The following SDF4 variants were observed in gnomAD, a reference collection of about 807,000 sequenced individuals.
SDF4 encodes 45 kDa calcium-binding protein.
SDF4 carries 22 observed loss-of-function variants against 34.2 expected under a neutral mutation model. The observed-to-expected ratio is 0.64, with a 90% CI of 0.46 to 0.92. The LOEUF is 0.92. SDF4 is among the 40% of genes least tolerant of loss of function. The pLI is 0.00. For missense variants in SDF4, 447 were observed against 499.9 expected, an observed-to-expected ratio of 0.89 and a Z score of 1.01; for synonymous variants, 236 against 203.1, an observed-to-expected ratio of 1.16 and a Z score of -1.38.
intron 2 of SDF4, among the ~76,000 whole-genome samples, chr1:1,226,491 T>A (rs1322653414): frequency 6.6e-6 from 1 of 152,050 alleles, no homozygotes; most frequent in Admixed American, 6.6e-5. Flanking sequence ...TGTTACGTCC[T>A]CACAAAAACG....
chr1:1,224,644 G>A (rs1432588347), intron 2 of SDF4, among the ~76,000 whole-genome samples: 1 of 152,170 alleles, frequency 6.6e-6, no homozygotes, highest in Non-Finnish European at 1.5e-5. Flanking sequence ...GGACGCAGTG[G>A]CCACACCTAT....
At chr1:1,220,019 G>C in intron 4 of SDF4, 1 of 985,790 alleles carries the variant, frequency 1.0e-6, no homozygotes, top group Non-Finnish European at 1.2e-6. Flanking sequence ...CTCCACCGCA[G>C]CTCCTGGGAT....
intron 4 of SDF4, chr1:1,219,739 C>T: frequency 1.0e-6 from 1 of 986,144 alleles, no homozygotes; most frequent in Non-Finnish European, 1.2e-6. Context: ...GAAACACCAC[C>T]TCCTGCCCCA....
Position 1,217,827 on chromosome 1 carries a change from C to A in SDF4, c.892-139G>T. The A allele has an allele frequency of 1.3e-6, 2 of 1,543,890 alleles. No homozygotes were observed. Among genetic ancestry groups the A allele is most frequent in the South Asian group, 1.2e-5 (1 of 82,756 alleles). On this transcript the variant is annotated intron_variant, in intron 6 of 6. Coordinates refer to ENST00000360001, the MANE Select transcript of SDF4 (RefSeq NM_016176.6). The surrounding 1 kb of genome is among the most constrained non-coding windows in gnomAD (Gnocchi z 8.5). ...GTTCTGGAAGGTTCCCGAAGGGAGGCGGCACAAATGAAAACACAGGGCAGG... is the reference window on the plus strand; with the variant it reads ...GTTCTGGAAGGTTCCCGAAGGGAGGAGGCACAAATGAAAACACAGGGCAGG...
chr1:1,219,838 G>A lies in SDF4; in HGVS notation c.557-911C>T, dbSNP rs970331202. ...CGTGAGGCCCGACTCTGCCCTGGCC[G>A]AAGCCCCTGCCACAAGCCCGGCAGC... On this transcript the variant is annotated intron_variant, in intron 4 of 6. Transcript: ENST00000360001. 68 of 985,704 alleles carry A rather than the reference G, an allele frequency of 6.9e-5. 1 individual carries two copies. In the African/African-American group the frequency reaches 9.1e-4, roughly 13 times the overall value. The allele number at this position is 985,704 out of a possible 1,614,324, so 61.1% of individuals were successfully genotyped here.
At chr1:1,224,831 C>T (rs890689099) in intron 2 of SDF4, among the ~76,000 whole-genome samples, 6 of 152,148 alleles carry the variant, frequency 3.9e-5, no homozygotes, top group Non-Finnish European at 5.9e-5. Context: ...GGAGGCCTCC[C>T]GAACCTGGAA....
chr1:1,222,768 G>A (rs1240410858), intron 4 of SDF4, among the ~76,000 whole-genome samples: 2 of 152,248 alleles, frequency 1.3e-5, no homozygotes, highest in African/African-American at 4.8e-5. Flanking sequence ...CCTGGGCGGC[G>A]CCTAGGTCAG....
chr1:1,220,979 G>C (rs1483122932), intron 4 of SDF4: 1 of 356,876 alleles, frequency 2.8e-6, no homozygotes, highest in East Asian at 7.5e-5. Flanking sequence ...ATTTGGCCGG[G>C]CACTGGGGCT....
In SDF4 at chr1:1,226,590, C is replaced by G. The variant is rs942916900; in HGVS notation, c.305+1878G>C. On this transcript the variant is annotated intron_variant, in intron 2 of 6. Coordinates refer to ENST00000360001, the MANE Select transcript of SDF4 (RefSeq NM_016176.6). ...TGGGTCCTGGAGGGACGGGGCCCTA[C>G]GCAGGAGAAGGGCGAGAAGGGACCC... Among the ~76,000 whole-genome samples the G allele has an allele frequency of 5.3e-5, 8 of 151,970 alleles. No homozygotes were observed. In the East Asian group the frequency reaches 1.5e-3, roughly 29 times the overall value.
Position 1,223,898 on chromosome 1 carries a change from C to T in SDF4, c.376G>A (p.Glu126Lys), listed in dbSNP as rs1233404720. The T allele has an allele frequency of 2.5e-6, 4 of 1,610,170 alleles. No homozygotes were observed. The highest frequency in any genetic ancestry group is 2.2e-5 in the East Asian group (1 of 44,848). The change falls in exon 3 of 7, where the codon GAG (glutamate) becomes AAG (lysine). Residue 126 changes from glutamate (E) to lysine (K), a missense_variant. By Grantham distance (56) the Glu-to-Lys change is moderately conservative. Coordinates refer to ENST00000360001, the MANE Select transcript of SDF4 (RefSeq NM_016176.6). ...MQRWIMEKTAEHFQEAMEESK... is the reference protein window; with the variant it reads ...MQRWIMEKTAKHFQEAMEESK... ...TCCTCCATGGCCTCCTGGAAGTGCT[C>T]GGCCGTCTTCTCCATGATCCAGCGC... is the stretch of plus-strand genomic sequence containing the variant.
At chr1:1,226,013 C>A (rs12087719) in intron 2 of SDF4, among the ~76,000 whole-genome samples, 1 of 152,188 alleles carries the variant, frequency 6.6e-6, no homozygotes, top group Non-Finnish European at 1.5e-5. Context: ...GTGAACAGGG[C>A]TGGCAGAACA....
intron 4 of SDF4, chr1:1,219,895 C>G: frequency 3.0e-6 from 3 of 985,722 alleles, no homozygotes; most frequent in Non-Finnish European, 3.6e-6. Context: ...GGATGAGGCC[C>G]AGCTGCCGTC....
intron 3 of SDF4, 149 bp downstream of exon 3, chr1:1,223,683 G>A (rs1236897245): frequency 2.6e-6 from 2 of 762,324 alleles, no homozygotes; most frequent in Non-Finnish European, 4.2e-6. Context: ...CAGCTTCCGT[G>A]CACCCCACCA....
Position 1,228,944 on chromosome 1 carries a change from A to C in SDF4, c.-172T>G. 1.6e-6 allele frequency: 1 copy of C among 611,586 alleles called. No individual in the cohort carries two copies. The highest frequency in any genetic ancestry group is 2.8e-5 in the East Asian group (1 of 36,310). 37.9% of individuals were successfully genotyped at this position (611,586 alleles called of 1,614,324 possible). A position where few individuals can be genotyped will look rare whatever the true frequency, so the allele number is the denominator to read the frequency against. On this transcript the variant is annotated splice_region_variant and 5_prime_UTR_variant, in exon 2 of 7. Coordinates refer to ENST00000360001, the MANE Select transcript of SDF4 (RefSeq NM_016176.6). ...CGCAGGATGGGGACAAGCAGCTCAC[A>C]GTCTGCAGAGAGACACAGACACATC...
At chr1:1,220,687 T>C in intron 4 of SDF4, 1 of 1,289,188 alleles carries the variant, frequency 7.8e-7, no homozygotes, top group South Asian at 1.2e-5. Context: ...AGACGGAGGC[T>C]TCACAGAAAT....
At chr1:1,219,209 C>G in intron 4 of SDF4, 2 of 1,256,596 alleles carry the variant, frequency 1.6e-6, no homozygotes, top group Non-Finnish European at 2.0e-6. Flanking sequence ...CTGGACCCCC[C>G]CCTGCCCCAG....
intron 4 of SDF4, 140 bp from the exon 5 acceptor site, chr1:1,219,067 C>T: frequency 6.4e-7 from 1 of 1,569,676 alleles, no homozygotes; most frequent in Non-Finnish European, 8.6e-7. Flanking sequence ...ATTCACACGT[C>T]CCCAGAACAT....
intron 1 of SDF4, among the ~76,000 whole-genome samples, chr1:1,230,325 G>T (rs1170068090): frequency 6.6e-6 from 1 of 152,318 alleles, no homozygotes; most frequent in African/African-American, 2.4e-5. Flanking sequence ...AAAAAATGCT[G>T]CCTCCAGGTA....
chr1:1,225,104 G>A (rs939578019), intron 2 of SDF4, among the ~76,000 whole-genome samples: 4 of 152,302 alleles, frequency 2.6e-5, no homozygotes, highest in South Asian at 4.1e-4. Flanking sequence ...GGTCACTCCC[G>A]TCCCAGCTTC....
Sources: gnomAD v4.1 joint callset for allele counts (sites outside exome capture counted in the v4.1 genomes callset) on GRCh38, gnomAD v4.1.1 for gene constraint, Gnocchi (gnomAD v3.1) non-coding constraint, MANE v1.5 for transcripts, NCBI Gene and HGNC (gene_info 2026-07-23, HGNC 2026-07-21) for gene names.